The following BAZ2B variants were observed in gnomAD, a reference collection of about 807,000 sequenced individuals.
BAZ2B encodes the protein bromodomain adjacent to zinc finger domain protein 2B.
A neutral mutation model predicts 246.0 loss-of-function variants in BAZ2B; 91 were observed. That is an observed-to-expected ratio of 0.37 (90% CI 0.31 to 0.44). BAZ2B has a LOEUF of 0.44. Ranked by LOEUF, BAZ2B falls within the 20% of genes least tolerant of loss-of-function variation. BAZ2B has a pLI of 1.00. For synonymous variants in BAZ2B, 855 were observed against 860.0 expected, an observed-to-expected ratio of 0.99 and a Z score of 0.10; for missense variants, 2,332 against 2,533.7, an observed-to-expected ratio of 0.92 and a Z score of 1.71.
At chr2:159,514,146 T>C (rs2083202884) in intron 2 of BAZ2B, among the ~76,000 whole-genome samples, 1 of 152,196 alleles carries the variant, frequency 6.6e-6, no homozygotes, top group Non-Finnish European at 1.5e-5. Context: ...TGTCATCTTC[T>C]AAAATGCTAT....
At chr2:159,571,061 C>G (rs554515338) in intron 1 of BAZ2B, among the ~76,000 whole-genome samples, 1 of 152,200 alleles carries the variant, frequency 6.6e-6, no homozygotes, top group African/African-American at 2.4e-5. Flanking sequence ...GCCATGTTGA[C>G]CAGGCTGGTC....
the BAZ2B span, among the ~76,000 whole-genome samples, chr2:159,635,628 G>A: frequency 6.7e-6 from 1 of 150,280 alleles, no homozygotes; most frequent in African/African-American, 2.4e-5. Context: ...TTCTTGTCTG[G>A]TTCTGCTACT....
chr2:159,582,508 G>A (rs1278119337), intron 1 of BAZ2B, among the ~76,000 whole-genome samples: 11 of 152,156 alleles, frequency 7.2e-5, no homozygotes, highest in African/African-American at 1.4e-4. Context: ...CTCAGCCTCC[G>A]GAGTAGCTGG....
At chr2:159,503,562 C>T (rs993969084) in intron 2 of BAZ2B, among the ~76,000 whole-genome samples, 4 of 151,838 alleles carry the variant, frequency 2.6e-5, no homozygotes, top group African/African-American at 9.7e-5. Context: ...TATTTTTTAT[C>T]TGCCTTCTTC....
the BAZ2B span, among the ~76,000 whole-genome samples, chr2:159,674,586 C>T: frequency 1.3e-5 from 2 of 151,234 alleles, no homozygotes; most frequent in Non-Finnish European, 2.9e-5. Context: ...TGTGGTGGCA[C>T]GCATCTGTAA....
chr2:159,637,246 C>A, the BAZ2B span, among the ~76,000 whole-genome samples: 1 of 152,202 alleles, frequency 6.6e-6, no homozygotes, highest in African/African-American at 2.4e-5. Context: ...CTCTAAGGGT[C>A]CCTAAGTCCA....
chr2:159,621,301 C>T (rs1015956804), upstream of BAZ2B, among the ~76,000 whole-genome samples: 24 of 152,142 alleles, frequency 1.6e-4, no homozygotes, highest in Admixed American at 9.8e-4. Context: ...ATGTCCCCAA[C>T]GTCCAGAATT....
chr2:159,446,791 G>T lies in BAZ2B; in HGVS notation c.687C>A (p.Ile229=). ...NQPLDARVDK[I]KDKKPRKKAM... ...TCCAAGTACAACTTACCTTATCTTT[G>T]ATTTTGTCAACTCTAGCATCCAAAG... is the stretch of plus-strand genomic sequence containing the variant. The change falls in exon 6 of 37, where the codon ATC becomes ATA. Residue 229 remains isoleucine, a synonymous_variant. Transcript: ENST00000392783. 6.2e-7 allele frequency: 1 copy of T among 1,606,076 alleles called. No individual in the cohort carries two copies. Among genetic ancestry groups the T allele is most frequent in the South Asian group, 1.1e-5 (1 of 89,512 alleles).
chr2:159,433,586 A>G (rs181247075), intron 8 of BAZ2B: 2 of 412,346 alleles, frequency 4.9e-6, no homozygotes, highest in South Asian at 5.0e-5. Context: ...ATTAAAAATT[A>G]TATGCCTTTT....
chr2:159,603,562 T>A (rs1692683962), intron 1 of BAZ2B, among the ~76,000 whole-genome samples: 1 of 152,052 alleles, frequency 6.6e-6, no homozygotes, highest in South Asian at 2.1e-4. Context: ...TCTTACAGAA[T>A]CTCTGAATTA....
chr2:159,634,210 G>A, the BAZ2B span, among the ~76,000 whole-genome samples: 8 of 152,142 alleles, frequency 5.3e-5, no homozygotes, highest in Non-Finnish European at 7.4e-5. Flanking sequence ...TTTCTTTAAC[G>A]TAATGGTGAT....
At position 159,438,639 on chromosome 2, in the gene BAZ2B, T is replaced by G. The variant is rs765711809; in HGVS notation, c.957A>C (p.Lys319Asn). 6.2e-7 allele frequency: 1 copy of G among 1,613,482 alleles called. No homozygotes were observed. The highest frequency in any genetic ancestry group is 1.1e-5 in the South Asian group (1 of 90,924). Residue 319 changes from lysine (K) to asparagine (N), a missense_variant, in exon 8 of 37, where the codon AAA (lysine) becomes AAC (asparagine). Lys to Asn is a moderately conservative substitution (Grantham distance 94). Coordinates refer to ENST00000392783, the MANE Select transcript of BAZ2B (RefSeq NM_013450.4). ...PKADGQKATE[K>N]AQEKRIHQPL... ...GCTGGTGTATTCTTTTTTCCTGGGC[T>G]TTTTCAGTTGCTTTCTGTCCATCTG...
intron 2 of BAZ2B, among the ~76,000 whole-genome samples, chr2:159,522,933 T>C (rs1199331860): frequency 6.6e-6 from 1 of 152,098 alleles, no homozygotes; most frequent in Non-Finnish European, 1.5e-5. Flanking sequence ...ACTCCAAGTA[T>C]AGTCCACAGA....
At chr2:159,557,151 T>TC (rs2089251489) in intron 1 of BAZ2B, among the ~76,000 whole-genome samples, 1 of 149,294 alleles carries the variant, frequency 6.7e-6, no homozygotes, top group Non-Finnish European at 1.5e-5. Context: ...CTTTTTTTTT[T>TC]TTTTTCCCTG....
At chr2:159,479,679 T>TA (rs2079026584) in intron 2 of BAZ2B, among the ~76,000 whole-genome samples, 1 of 152,168 alleles carries the variant, frequency 6.6e-6, no homozygotes, top group African/African-American at 2.4e-5. Flanking sequence ...GGATTTCATT[T>TA]AAAAAATTGA....
intron 2 of BAZ2B, among the ~76,000 whole-genome samples, chr2:159,540,333 G>A (rs2086513305): frequency 6.6e-6 from 1 of 152,190 alleles, no homozygotes; most frequent in African/African-American, 2.4e-5. Context: ...CCATCTGATA[G>A]CTTTCTTCAT....
At chr2:159,591,304 C>T (rs1257880773) in intron 1 of BAZ2B, among the ~76,000 whole-genome samples, 2 of 152,136 alleles carry the variant, frequency 1.3e-5, no homozygotes, top group Admixed American at 6.5e-5. Flanking sequence ...GATCAACAGG[C>T]TTCCATTACA....
At chr2:159,358,497 C>A (rs2059353918) in intron 27 of BAZ2B, among the ~76,000 whole-genome samples, 1 of 152,176 alleles carries the variant, frequency 6.6e-6, no homozygotes, top group Admixed American at 6.5e-5. Context: ...AACTTAGACT[C>A]CCACACAATA....
the BAZ2B span, among the ~76,000 whole-genome samples, chr2:159,658,249 T>C: frequency 6.6e-6 from 1 of 152,212 alleles, no homozygotes; most frequent in Admixed American, 6.5e-5. Context: ...TAAACCAACC[T>C]TGCATAACTG....
Sources: allele counts gnomAD v4.1 joint callset (sites outside exome capture counted in the v4.1 genomes callset), GRCh38; gene constraint gnomAD v4.1.1; transcripts MANE v1.5; gene names NCBI Gene and HGNC (gene_info 2026-07-23, HGNC 2026-07-21).